FHIT: variants seen among roughly 807,000 people sequenced by gnomAD.
The protein encoded by FHIT is fragile histidine triad diadenosine triphosphatase.
In FHIT, 19 loss-of-function variants were observed where a neutral mutation model predicts 17.9. The ratio of observed to expected loss-of-function variants is 1.06; its 90% confidence interval spans 0.74 to 1.56. FHIT has a LOEUF of 1.56. FHIT is among the 40% of genes most tolerant of loss of function. The pLI is 0.00. For synonymous variants in FHIT, 81 were observed against 69.7 expected, an observed-to-expected ratio of 1.16 and a Z score of -0.81; for missense variants, 248 against 189.2, an observed-to-expected ratio of 1.31 and a Z score of -1.82.
At chr3:60,159,068 CT>C (rs924671298) in intron 5 of FHIT, among the ~76,000 whole-genome samples, 4 of 152,092 alleles carry the variant, frequency 2.6e-5, no homozygotes, top group Non-Finnish European at 4.4e-5. Context: ...CCTCTTTAGA[CT>C]TTTTTTTCTA....
At chr3:60,008,570 A>C (rs541490642) in intron 7 of FHIT, among the ~76,000 whole-genome samples, 2 of 152,266 alleles carry the variant, frequency 1.3e-5, no homozygotes, top group East Asian at 3.9e-4. Flanking sequence ...GGAAAAGACC[A>C]TTACTGGGCT....
intron 4 of FHIT, among the ~76,000 whole-genome samples, chr3:60,607,763 T>TACATATACATATATACAC (rs1210095280): frequency 2.0e-5 from 3 of 152,130 alleles, no homozygotes; most frequent in Non-Finnish European, 4.4e-5. Flanking sequence ...CTGCAATACA[T>TACATATACATATATACAC]ACATATACAT....
intron 4 of FHIT, chr3:60,730,184 G>A (rs538387655): frequency 2.6e-6 from 1 of 383,710 alleles, no homozygotes; most frequent in Non-Finnish European, 5.2e-6. Flanking sequence ...ATGGCTCTGT[G>A]TATCCTCTCC....
At chr3:60,081,658 T>C (rs1437722958) in intron 5 of FHIT, among the ~76,000 whole-genome samples, 2 of 152,302 alleles carry the variant, frequency 1.3e-5, no homozygotes. Context: ...TGTAGGCTCT[T>C]ATTTAATTAT....
At chr3:60,392,592 A>G (rs76898360) in intron 5 of FHIT, among the ~76,000 whole-genome samples, 228 of 152,308 alleles carry the variant, frequency 1.5e-3, no homozygotes, top group African/African-American at 5.2e-3. Flanking sequence ...CATACTTTCC[A>G]CTCAGTGGGT....
chr3:60,595,117 C>T (rs1336898759), intron 4 of FHIT, among the ~76,000 whole-genome samples: 2 of 152,060 alleles, frequency 1.3e-5, no homozygotes, highest in Non-Finnish European at 1.5e-5. Flanking sequence ...AGTCTGGCCT[C>T]ACCAAGAAAA....
At chr3:60,648,659 G>A (rs544005732) in intron 4 of FHIT, among the ~76,000 whole-genome samples, 2 of 152,322 alleles carry the variant, frequency 1.3e-5, no homozygotes, top group African/African-American at 4.8e-5. Context: ...AGGAGCAAAG[G>A]CAAAACACTC....
chr3:60,603,537 T>C (rs1236096682), intron 4 of FHIT, among the ~76,000 whole-genome samples: 1 of 152,122 alleles, frequency 6.6e-6, no homozygotes, highest in Non-Finnish European at 1.5e-5. Flanking sequence ...ATTGTGTTGC[T>C]TTCTTCTGTA....
At chr3:60,337,280 C>T (rs1474760425) in intron 5 of FHIT, among the ~76,000 whole-genome samples, 1 of 151,780 alleles carries the variant, frequency 6.6e-6, no homozygotes, top group African/African-American at 2.4e-5. Flanking sequence ...ACATGAAGTT[C>T]TATCAGGGAG....
intron 5 of FHIT, among the ~76,000 whole-genome samples, chr3:60,029,899 G>GTGTGTGTCTGTGTGTGTGTGTGTC (rs1553655746): frequency 8.1e-6 from 1 of 123,204 alleles, no homozygotes; most frequent in African/African-American, 3.2e-5. Context: ...GTGTGTGTCT[G>GTGTGTGTCTGTGTGTGTGTGTGTC]TGTGTGTGTG....
chr3:61,185,681 A>C (rs527721028), intron 2 of FHIT, among the ~76,000 whole-genome samples: 21 of 152,264 alleles, frequency 1.4e-4, no homozygotes, highest in African/African-American at 4.8e-4. Flanking sequence ...TCACAATATA[A>C]TGTTGAATGG....
intron 5 of FHIT, among the ~76,000 whole-genome samples, chr3:60,323,953 C>T (rs185744785): frequency 1.8e-3 from 269 of 149,774 alleles, no homozygotes; most frequent in African/African-American, 6.3e-3. Flanking sequence ...AAGGGAATAA[C>T]TTCCCAAGCT....
intron 4 of FHIT, among the ~76,000 whole-genome samples, chr3:60,774,547 C>T (rs1553724017): frequency 6.6e-6 from 1 of 152,058 alleles, no homozygotes; most frequent in Non-Finnish European, 1.5e-5. Context: ...GTGATCTGCC[C>T]ACCTTGACCT....
At chr3:60,689,188 G>C (rs1160381640) in intron 4 of FHIT, among the ~76,000 whole-genome samples, 1 of 152,040 alleles carries the variant, frequency 6.6e-6, no homozygotes, top group Non-Finnish European at 1.5e-5. Context: ...GCTCCTCCTT[G>C]CCTTTCACCT....
chr3:59,889,286 G>A (rs1440225888), intron 8 of FHIT, among the ~76,000 whole-genome samples: 1 of 152,174 alleles, frequency 6.6e-6, no homozygotes, highest in South Asian at 2.1e-4. Context: ...CATACTGTCT[G>A]ACATCCATCC....
intron 5 of FHIT, among the ~76,000 whole-genome samples, chr3:60,029,814 A>G (rs1489586129): frequency 1.3e-5 from 2 of 151,968 alleles, no homozygotes; most frequent in African/African-American, 2.4e-5. Flanking sequence ...ACTAGGATCA[A>G]TAACATTGTA....
intron 5 of FHIT, among the ~76,000 whole-genome samples, chr3:60,518,420 T>C (rs2035237872): frequency 6.6e-6 from 1 of 152,210 alleles, no homozygotes; most frequent in Non-Finnish European, 1.5e-5. Context: ...AACAGTGAGA[T>C]ATGTAAAATC....
intron 4 of FHIT, among the ~76,000 whole-genome samples, chr3:60,595,735 C>T (rs1233459290): frequency 2.6e-5 from 4 of 151,882 alleles, no homozygotes; most frequent in Non-Finnish European, 5.9e-5. Context: ...CCTCAAACTC[C>T]TGGGCTCAAG....
intron 4 of FHIT, among the ~76,000 whole-genome samples, chr3:60,624,290 G>A (rs2039218907): frequency 6.6e-6 from 1 of 152,206 alleles, no homozygotes; most frequent in South Asian, 2.1e-4. Context: ...AGTCAGCCAT[G>A]CTGAGCAGCT....
Sources: allele counts gnomAD v4.1 joint callset (sites outside exome capture counted in the v4.1 genomes callset), GRCh38; gene constraint gnomAD v4.1.1; transcripts MANE v1.5; gene names NCBI Gene and HGNC (gene_info 2026-07-23, HGNC 2026-07-21).